GALNT2: variants seen among roughly 807,000 people sequenced by gnomAD.
GALNT2 encodes the protein polypeptide N-acetylgalactosaminyltransferase 2.
GALNT2 carries 31 observed loss-of-function variants against 81.4 expected under a neutral mutation model. That is an observed-to-expected ratio of 0.38 (90% CI 0.29 to 0.51). The LOEUF (loss-of-function observed/expected upper bound fraction) is 0.51, where lower values mean the gene tolerates loss of function less well. Among genes scored for constraint, GALNT2 ranks in the 20% least tolerant of loss-of-function variants. The pLI is 0.87. For synonymous variants in GALNT2, 303 were observed against 287.4 expected (o/e 1.05, Z -0.55); for missense variants, 629 against 765.7 (o/e 0.82, Z 2.11).
rs116900872 is a variant in GALNT2 at position 230,215,431 on chromosome 1, T to C, written c.374+12141T>C. 1.1e-3 allele frequency among the ~76,000 whole-genome samples: 175 copies of C among 152,382 alleles called. 6 individuals are homozygous for C. The East Asian group carries it at 0.027, about 23-fold the overall frequency. ...ACACCTGGCTGCTTTGCTAGCTCTCTAGTGCCTTCAAATAGATTCTTCAGT... is the reference window on the plus strand; with the variant it reads ...ACACCTGGCTGCTTTGCTAGCTCTCCAGTGCCTTCAAATAGATTCTTCAGT... On this transcript the variant is annotated intron_variant, in intron 3 of 15. Coordinates refer to ENST00000366672, the MANE Select transcript of GALNT2 (RefSeq NM_004481.5).
chr1:230,268,846 C>CCT (rs1307087396), intron 14 of GALNT2, among the ~76,000 whole-genome samples: 2 of 152,196 alleles, frequency 1.3e-5, no homozygotes, highest in African/African-American at 2.4e-5. Flanking sequence ...CTCCAGGATT[C>CCT]CTCTCTGCAC....
At chr1:230,178,165 T>C (rs678050) in intron 1 of GALNT2, 53 bp from the exon 2 acceptor site, 248,383 of 1,402,414 alleles carry the variant, frequency 0.18, 25,400 homozygotes, top group African/African-American at 0.39. Context: ...AACTGATGAA[T>C]GAAGGTGTGC....
At chr1:230,066,370 T>C (rs942569491), upstream of GALNT2, among the ~76,000 whole-genome samples, 4 of 152,268 alleles carry the variant, frequency 2.6e-5, no homozygotes, top group Non-Finnish European at 5.9e-5. Flanking sequence ...ACGCAACGAA[T>C]GAGAAAGAAA....
intron 10 of GALNT2, among the ~76,000 whole-genome samples, chr1:230,252,843 CTT>C (rs58544942): frequency 3.5e-4 from 28 of 78,944 alleles, no homozygotes; most frequent in South Asian, 5.2e-4. Context: ...GAGACAACTT[CTT>C]TTTTTTTTTT....
In GALNT2 at chr1:230,178,284, GC is replaced by G; in HGVS notation, c.194del (p.Ala65AspfsTer77). 1 of 1,614,068 alleles carries G rather than the reference GC, an allele frequency of 6.2e-7. No homozygotes were observed. The highest frequency in any genetic ancestry group is 8.5e-7 in the Non-Finnish European group (1 of 1,179,948). Reference sequence around the variant, plus strand: ...TCATCACAGCAATGGAGAAGAGAAAGCACAAAGCATGGAGACCCTCCCTCCA... The same window carrying G: ...TCATCACAGCAATGGAGAAGAGAAAGACAAAGCATGGAGACCCTCCCTCCA... ...DLHHSNGEEKAQSMETLPPGK... is the reference protein window; with the variant it reads ...DLHHSNGEEKXQSMETLPPGK... On this transcript the variant is annotated frameshift_variant, in exon 2 of 16. Transcript: ENST00000366672. LOFTEE classifies it high-confidence loss of function.
chr1:230,127,009 T>C (rs181636083), intron 1 of GALNT2, among the ~76,000 whole-genome samples: 17 of 152,300 alleles, frequency 1.1e-4, no homozygotes, highest in Admixed American at 9.8e-4. Flanking sequence ...AGTGGGTGAA[T>C]GGAGGTGGGG....
intron 1 of GALNT2, among the ~76,000 whole-genome samples, chr1:230,135,374 G>A (rs61825401): frequency 0.01 from 1,547 of 152,088 alleles, 22 homozygotes; most frequent in African/African-American, 0.036. Flanking sequence ...TGCGATGCAT[G>A]TTTCAGAAGA....
chr1:230,209,091 C>G (rs1180709112), intron 3 of GALNT2, among the ~76,000 whole-genome samples: 1 of 151,632 alleles, frequency 6.6e-6, no homozygotes, highest in East Asian at 1.9e-4. Flanking sequence ...TCTGTTATTG[C>G]TCTGAGTCAT....
intron 1 of GALNT2, among the ~76,000 whole-genome samples, chr1:230,107,072 G>A (rs577259828): frequency 6.6e-5 from 10 of 152,346 alleles, no homozygotes; most frequent in African/African-American, 9.6e-5. Context: ...TCCACGCTCC[G>A]CAGGTGCTGT....
intron 2 of GALNT2, among the ~76,000 whole-genome samples, chr1:230,183,262 G>A (rs529301137): frequency 5.9e-4 from 90 of 152,186 alleles, no homozygotes; most frequent in African/African-American, 2.0e-3. Context: ...TTAGACCATC[G>A]ATGTACACAG....
chr1:230,279,410 C>A lies in GALNT2; in HGVS notation c.1668C>A (p.Gly556=). ...GGGGCCTAAGCGTGGAGGTGTGTGG[C>A]CCGGCCCTTTCGCAGCAGTGGAAGT... ...KSGGLSVEVC[G]PALSQQWKFT... is the part of the protein sequence containing the mutation. The change falls in exon 16 of 16, where the codon GGC becomes GGA. Residue 556 remains glycine, a synonymous_variant. Coordinates refer to ENST00000366672, the MANE Select transcript of GALNT2 (RefSeq NM_004481.5). The surrounding 1 kb of genome is among the most constrained non-coding windows in gnomAD (Gnocchi z 4.6). 2.5e-6 allele frequency: 4 copies of A among 1,614,132 alleles called. No homozygotes were observed. The highest frequency in any genetic ancestry group is 2.5e-6 in the Non-Finnish European group (3 of 1,180,026).
At chr1:230,074,306 T>C (rs1659467803) in intron 1 of GALNT2, among the ~76,000 whole-genome samples, 1 of 152,204 alleles carries the variant, frequency 6.6e-6, no homozygotes. Flanking sequence ...TTGCCCAGGC[T>C]GGGCTCAAGC....
intron 1 of GALNT2, among the ~76,000 whole-genome samples, chr1:230,163,797 C>G (rs1448812579): frequency 6.6e-6 from 1 of 152,210 alleles, no homozygotes; most frequent in African/African-American, 2.4e-5. Context: ...GAAAGAGGGA[C>G]AGTCCCCACT....
chr1:230,279,472 G>T lies in GALNT2; in HGVS notation c.*14G>T, dbSNP rs1431701695. 3.7e-6 allele frequency: 6 copies of T among 1,611,884 alleles called. No homozygotes were observed. The highest frequency in any genetic ancestry group is 1.7e-5 in the Admixed American group (1 of 59,888). On this transcript the variant is annotated 3_prime_UTR_variant, in exon 16 of 16. Transcript: ENST00000366672. The surrounding 1 kb of genome is among the most constrained non-coding windows in gnomAD (Gnocchi z 4.6). ...CTGCAGCAGTAGGAGGGTCCGGGAGGCCCTGCCGTCCTGTCTCCTGCACCA... is the reference window on the plus strand; with the variant it reads ...CTGCAGCAGTAGGAGGGTCCGGGAGTCCCTGCCGTCCTGTCTCCTGCACCA...
At chr1:230,080,924 G>A (rs1659706147) in intron 1 of GALNT2, among the ~76,000 whole-genome samples, 1 of 152,194 alleles carries the variant, frequency 6.6e-6, no homozygotes, top group Admixed American at 6.5e-5. Flanking sequence ...TTTGAAGGCG[G>A]GGAGGTGTTG....
At chr1:230,100,178 T>C (rs925110495) in intron 1 of GALNT2, among the ~76,000 whole-genome samples, 1 of 152,200 alleles carries the variant, frequency 6.6e-6, no homozygotes, top group African/African-American at 2.4e-5. Flanking sequence ...AAACACTCTA[T>C]GTTTTCTAAA....
At chr1:230,205,678 G>A (rs912623955) in intron 3 of GALNT2, among the ~76,000 whole-genome samples, 2 of 152,174 alleles carry the variant, frequency 1.3e-5, no homozygotes, top group South Asian at 2.1e-4. Flanking sequence ...GGCCGAAGCT[G>A]TGTGCAAGAT....
intron 1 of GALNT2, among the ~76,000 whole-genome samples, chr1:230,075,121 CTTTTTTTT>C (rs34482749): frequency 1.1e-5 from 1 of 92,554 alleles, no homozygotes; most frequent in Non-Finnish European, 1.9e-5. Flanking sequence ...GTCTGTTTTG[CTTTTTTTT>C]TTTTTTTTTT....
At position 230,275,343 on chromosome 1, in the gene GALNT2, C is replaced by CAT. The variant is rs887651081; in HGVS notation, c.1560+787_1560+788dup. On this transcript the variant is annotated intron_variant, in intron 15 of 15. Transcript: ENST00000366672. This position sits in a 1 kb window ranked among gnomAD's most constrained non-coding sequence, Gnocchi z 5.5. ...TATATATACACACCACATATGTATA[C>CAT]ATATATATACATGCCACATATACAT... Among the ~76,000 whole-genome samples the CAT allele has an allele frequency of 4.0e-5, 6 of 151,164 alleles. No homozygotes were observed. In the South Asian group the frequency reaches 6.2e-4, roughly 16 times the overall value.
Sources: gnomAD v4.1 joint callset for allele counts (sites outside exome capture counted in the v4.1 genomes callset) on GRCh38, gnomAD v4.1.1 for gene constraint, Gnocchi (gnomAD v3.1) non-coding constraint, MANE v1.5 for transcripts, NCBI Gene and HGNC (gene_info 2026-07-23, HGNC 2026-07-21) for gene names.